Variants in BIRC6 observed in about 807,000 individuals in gnomAD.
The protein encoded by BIRC6 is baculoviral IAP repeat containing 6.
A neutral mutation model predicts 503.3 loss-of-function variants in BIRC6; 98 were observed. The ratio of observed to expected loss-of-function variants is 0.19; its 90% CI spans 0.17 to 0.23. BIRC6 has a LOEUF of 0.23. BIRC6 is among the 10% of genes least tolerant of loss of function. The pLI, the probability that BIRC6 is intolerant of heterozygous loss-of-function variation, is 1.00. For missense variants in BIRC6, 5,360 were observed against 5,806.0 expected, an observed-to-expected ratio of 0.92 and a Z score of 2.50; for synonymous variants, 2,240 against 2,078.7, an observed-to-expected ratio of 1.08 and a Z score of -2.11.
At chr2:32,578,979 A>ATATATATATATATATATATATATATAT (rs1424095222) in intron 66 of BIRC6, among the ~76,000 whole-genome samples, 8 of 74,316 alleles carry the variant, frequency 1.1e-4, no homozygotes, top group African/African-American at 4.2e-4. Context: ...TTATATACCT[A>ATATATATATATATATATATATATATAT]ATATATATAT....
intron 23 of BIRC6, among the ~76,000 whole-genome samples, chr2:32,461,762 T>C (rs991577701): frequency 2.0e-5 from 3 of 152,190 alleles, no homozygotes; most frequent in Non-Finnish European, 4.4e-5. Flanking sequence ...TTTTCCCCTT[T>C]ATCCACTACC....
At position 32,529,719 on chromosome 2, in the gene BIRC6, C is replaced by A. The variant is rs2056572572; in HGVS notation, c.11989C>A (p.Gln3997Lys). The change falls in exon 60 of 74, where the codon CAG becomes AAG. Residue 3997 changes from glutamine (Q) to lysine (K), a missense_variant. Transcript: ENST00000421745. Reference protein sequence around the residue: ...LTLLYDRKLPQGYRSIDLTVK... With the variant: ...LTLLYDRKLPKGYRSIDLTVK... ...TCTCCTATATGACCGAAAACTTCCT[C>A]AGGGTTACCGCTCAATAGATCTGAC... is the stretch of plus-strand genomic sequence containing the variant. 6.2e-7 allele frequency: 1 copy of A among 1,613,590 alleles called. No homozygotes were observed. Among genetic ancestry groups the A allele is most frequent in the Non-Finnish European group, 8.5e-7 (1 of 1,179,700 alleles).
At chr2:32,476,491 C>G (rs762062055) in intron 34 of BIRC6, 147 bp downstream of exon 34, 2 of 698,754 alleles carry the variant, frequency 2.9e-6, no homozygotes, top group Admixed American at 3.8e-5. Flanking sequence ...GGTAGTTTAA[C>G]TGAAGGAAAT....
chr2:32,455,463 A>G (rs1445702525), intron 23 of BIRC6, among the ~76,000 whole-genome samples: 1 of 151,894 alleles, frequency 6.6e-6, no homozygotes, highest in Non-Finnish European at 1.5e-5. Flanking sequence ...TCTACTAAAA[A>G]TACAAAAAGT....
rs533184695 is a variant in BIRC6 at position 32,579,668 on chromosome 2, G to A, written c.13355+4302G>A. On this transcript the variant is annotated intron_variant, in intron 66 of 73. Transcript: ENST00000421745. ...TTTACCACTGCATTCTATCCTGGGC[G>A]ACAGAGTGAGACCCACTCTGCATGT... is the stretch of plus-strand genomic sequence containing the variant. Among the ~76,000 whole-genome samples the A allele has an allele frequency of 1.6e-4, 25 of 152,090 alleles. No homozygotes were observed. The South Asian group carries it at 5.2e-3, about 32-fold the overall frequency.
At chr2:32,443,100 T>C (rs1465146915) in intron 19 of BIRC6, among the ~76,000 whole-genome samples, 1 of 152,210 alleles carries the variant, frequency 6.6e-6, no homozygotes, top group Non-Finnish European at 1.5e-5. Flanking sequence ...ATGAATGTGG[T>C]CTCTCAACAT....
chr2:32,433,916 T>C (rs2044405569), intron 13 of BIRC6, 112 bp downstream of exon 13: 5 of 851,336 alleles, frequency 5.9e-6, no homozygotes, highest in Non-Finnish European at 6.8e-6. Context: ...TGTTGCCATT[T>C]GCCTGCTTTA....
intron 1 of BIRC6, among the ~76,000 whole-genome samples, chr2:32,359,833 TGCTGGTATTACAGGCATGA>T (rs1327305513): frequency 3.3e-5 from 5 of 152,158 alleles, no homozygotes; most frequent in African/African-American, 1.2e-4. Context: ...CCTCCCAAAG[TGCTGGTATTACAGGCATGA>T]GCTGTCCCAC....
intron 54 of BIRC6, among the ~76,000 whole-genome samples, chr2:32,514,059 G>A (rs1407235968): frequency 6.6e-6 from 1 of 152,042 alleles, no homozygotes; most frequent in African/African-American, 2.4e-5. Context: ...GCGAGACTCT[G>A]TCTCAAAAAA....
At chr2:32,580,696 AACT>A (rs2060613640) in intron 66 of BIRC6, among the ~76,000 whole-genome samples, 2 of 152,328 alleles carry the variant, frequency 1.3e-5, no homozygotes, top group East Asian at 3.9e-4. Flanking sequence ...AACAAGACCA[AACT>A]ACCATGGAAG....
At chr2:32,401,743 G>C (rs1183016074) in intron 8 of BIRC6, 120 bp downstream of exon 8, 1 of 835,518 alleles carries the variant, frequency 1.2e-6, no homozygotes, top group Non-Finnish European at 1.8e-6. Flanking sequence ...AGAGATCAGA[G>C]AGTAAATGTT....
chr2:32,435,421 A>C (rs2044589757), intron 13 of BIRC6, 75 bp from the exon 14 acceptor site: 1 of 1,393,452 alleles, frequency 7.2e-7, no homozygotes, highest in African/African-American at 1.5e-5. Context: ...GATATTAAAG[A>C]AAATTAAGTT....
intron 1 of BIRC6, among the ~76,000 whole-genome samples, chr2:32,374,297 A>G (rs1242811251): frequency 1.3e-5 from 2 of 152,004 alleles, no homozygotes; most frequent in South Asian, 4.1e-4. Context: ...GTCCTTTGCC[A>G]GTACCACACT....
intron 6 of BIRC6, among the ~76,000 whole-genome samples, chr2:32,398,800 G>A (rs2040269057): frequency 6.6e-6 from 1 of 152,020 alleles, no homozygotes; most frequent in Non-Finnish European, 1.5e-5. Flanking sequence ...GACGGAAAGG[G>A]GTAAGGTACG....
Position 32,593,941 on chromosome 2 carries a change from G to T in BIRC6, c.13382G>T (p.Gly4461Val). Residue 4461 changes from glycine (G) to valine (V), a missense_variant, in exon 67 of 74, where the codon GGA becomes GTA. Coordinates refer to ENST00000421745, the MANE Select transcript of BIRC6 (RefSeq NM_016252.4). ...TCTAAAAGGGAAAATGTTAAAACAGGAGTAAAACCAGATGCGTCTGATCAA... is the reference window on the plus strand; with the variant it reads ...TCTAAAAGGGAAAATGTTAAAACAGTAGTAAAACCAGATGCGTCTGATCAA... Reference protein sequence around the residue: ...LRSKRENVKTGVKPDASDQEP... With the variant: ...LRSKRENVKTVVKPDASDQEP... The T allele has an allele frequency of 6.2e-7, 1 of 1,612,318 alleles. No homozygotes were observed.
At chr2:32,439,901 C>T (rs1317176718) in intron 16 of BIRC6, among the ~76,000 whole-genome samples, 5 of 152,108 alleles carry the variant, frequency 3.3e-5, no homozygotes, top group Non-Finnish European at 1.5e-5. Flanking sequence ...AGTTTTGAGA[C>T]GGGGTCTCAC....
chr2:32,460,581 C>T (rs1258585385), intron 23 of BIRC6, among the ~76,000 whole-genome samples: 3 of 150,936 alleles, frequency 2.0e-5, no homozygotes, highest in South Asian at 4.2e-4. Flanking sequence ...CTGGCCCAGC[C>T]CTATATTTTT....
intron 65 of BIRC6, among the ~76,000 whole-genome samples, chr2:32,551,464 G>A (rs890117180): frequency 3.9e-5 from 6 of 152,020 alleles, no homozygotes; most frequent in Non-Finnish European, 7.4e-5. Context: ...TGTATTTTTG[G>A]TAGAGATGGG....
At chr2:32,578,416 A>G (rs149162894) in intron 66 of BIRC6, among the ~76,000 whole-genome samples, 1 of 152,304 alleles carries the variant, frequency 6.6e-6, no homozygotes, top group East Asian at 1.9e-4. Context: ...GAAGAGAATG[A>G]TTCAGGAAAA....
Sources: gnomAD v4.1 joint callset for allele counts (sites outside exome capture counted in the v4.1 genomes callset) on GRCh38, gnomAD v4.1.1 for gene constraint, MANE v1.5 for transcripts, NCBI Gene and HGNC (gene_info 2026-07-23, HGNC 2026-07-21) for gene names.